The following DCBLD2 variants were observed in gnomAD, a reference collection of about 807,000 sequenced individuals.
DCBLD2 encodes the protein discoidin, CUB and LCCL domain-containing protein 2.
Under a neutral mutation model 86.8 loss-of-function variants are expected in DCBLD2, and 54 were observed. That is an observed-to-expected ratio of 0.62 (90% CI 0.50 to 0.78). DCBLD2 has a LOEUF of 0.78. Among genes scored for constraint, DCBLD2 ranks in the 30% least tolerant of loss-of-function variants. The pLI is 0.00. For synonymous variants in DCBLD2, 354 were observed against 341.3 expected (o/e 1.04, Z -0.41); for missense variants, 908 against 954.2 (o/e 0.95, Z 0.64).
At chr3:98,839,582 C>G (rs1007045249) in intron 3 of DCBLD2, among the ~76,000 whole-genome samples, 1 of 152,082 alleles carries the variant, frequency 6.6e-6, no homozygotes, top group African/African-American at 2.4e-5. Flanking sequence ...TGAAATAAAG[C>G]CTAGTAAAAG....
rs143321878 is a variant in DCBLD2, at chr3:98,859,826, C to T, written c.434-10228G>A. Among the ~76,000 whole-genome samples the T allele has an allele frequency of 5.4e-3, 830 of 152,322 alleles. 1 individual carries two copies. Among genetic ancestry groups the T allele is most frequent in the Non-Finnish European group, 8.0e-3 (546 of 68,028 alleles). ...CTAAAAATCAGAGCACCTCTCCCCCCACAAAGGAACGCAGCTCCTCGCCAG... is the reference window on the plus strand; with the variant it reads ...CTAAAAATCAGAGCACCTCTCCCCCTACAAAGGAACGCAGCTCCTCGCCAG... On this transcript the variant is annotated intron_variant, in intron 2 of 15. Coordinates refer to ENST00000326840, the MANE Select transcript of DCBLD2 (RefSeq NM_080927.4).
At chr3:98,869,981 T>TA (rs1161609822) in intron 2 of DCBLD2, among the ~76,000 whole-genome samples, 1 of 152,190 alleles carries the variant, frequency 6.6e-6, no homozygotes, top group Non-Finnish European at 1.5e-5. Context: ...AATGCAAAAA[T>TA]AATAATCATA....
intron 2 of DCBLD2, among the ~76,000 whole-genome samples, chr3:98,858,976 CAAGGG>C (rs1942988985): frequency 6.6e-6 from 1 of 152,162 alleles, no homozygotes; most frequent in African/African-American, 2.4e-5. Context: ...CTTTCCTAGC[CAAGGG>C]AAGGGGTGAC....
intron 4 of DCBLD2, 102 bp from the exon 5 acceptor site, chr3:98,822,843 AATACC>A (rs748347002): frequency 2.3e-5 from 22 of 959,062 alleles, no homozygotes; most frequent in Non-Finnish European, 2.9e-5. Context: ...GTTCAAGGTG[AATACC>A]ATAATTTCAC....
At chr3:98,803,406 C>T (rs1282265768) in intron 13 of DCBLD2, among the ~76,000 whole-genome samples, 1 of 152,178 alleles carries the variant, frequency 6.6e-6, no homozygotes, top group Non-Finnish European at 1.5e-5. Flanking sequence ...TATCCTGAGA[C>T]TTTGCTGAAG....
chr3:98,836,861 C>T (rs555897971), intron 3 of DCBLD2, among the ~76,000 whole-genome samples: 19,154 of 35,046 alleles, frequency 0.55, 5,863 homozygotes, highest in East Asian at 0.79. Flanking sequence ...GGCGGCTGGC[C>T]GGGCGGGGGG....
intron 2 of DCBLD2, among the ~76,000 whole-genome samples, chr3:98,873,170 T>C (rs1398746258): frequency 6.6e-6 from 1 of 152,050 alleles, no homozygotes; most frequent in African/African-American, 2.4e-5. Flanking sequence ...AAAATGGAGA[T>C]ATTAGAATTA....
Position 98,799,305 on chromosome 3 carries a change from C to T in DCBLD2, c.*67G>A. 2 of 1,346,960 alleles carry T rather than the reference C, an allele frequency of 1.5e-6. No homozygotes were observed. Among genetic ancestry groups the T allele is most frequent in the South Asian group, 2.9e-5 (2 of 68,634 alleles). The allele number at this position is 1,346,960 out of a possible 1,614,324, so 83.4% of individuals were successfully genotyped here. A position where few individuals can be genotyped will look rare whatever the true frequency, so the allele number is the denominator to read the frequency against. On this transcript the variant is annotated 3_prime_UTR_variant, in exon 16 of 16. Coordinates refer to ENST00000326840, the MANE Select transcript of DCBLD2 (RefSeq NM_080927.4). ...ATGTAATACATTCTATATATTACTA[C>T]CACTAATAATTAAAAAAAAAAGGCC...
At position 98,901,088 on chromosome 3, in the gene DCBLD2, T is replaced by C. The variant is rs1315028089; in HGVS notation, c.205+34A>G. On this transcript the variant is annotated intron_variant, in intron 1 of 15. Coordinates refer to ENST00000326840, the MANE Select transcript of DCBLD2 (RefSeq NM_080927.4). ...AAGAGACCCGCAGCCCCGACGGAGG[T>C]TCCCCCGCCGCTCACTCCCCTGGGA... 7 of 1,536,736 alleles carry C rather than the reference T, an allele frequency of 4.6e-6. 1 individual carries two copies. Among genetic ancestry groups the C allele is most frequent in the South Asian group, 3.6e-5 (3 of 83,952 alleles).
Position 98,864,840 on chromosome 3 carries a change from A to T in DCBLD2, c.434-15242T>A, listed in dbSNP as rs1943114255. On this transcript the variant is annotated intron_variant, in intron 2 of 15. Coordinates refer to ENST00000326840, the MANE Select transcript of DCBLD2 (RefSeq NM_080927.4). ...GCACACTGTGCACACGTATCCTAGAACTTAAATAATAATAAAAAAAGAAAA... is the reference window on the plus strand; with the variant it reads ...GCACACTGTGCACACGTATCCTAGATCTTAAATAATAATAAAAAAAGAAAA... Among the ~76,000 whole-genome samples, 3 of 152,170 alleles carry T rather than the reference A, an allele frequency of 2.0e-5. No individual in the cohort carries two copies. In the South Asian group the frequency reaches 6.2e-4, roughly 32 times the overall value.
chr3:98,797,699 C>T lies in DCBLD2; in HGVS notation c.*1673G>A, dbSNP rs1463151739. On this transcript the variant is annotated 3_prime_UTR_variant, in exon 16 of 16. Coordinates refer to ENST00000326840, the MANE Select transcript of DCBLD2 (RefSeq NM_080927.4). ...GCCAAAAAACCATACCACAAAAGGA[C>T]AGGAAGCCTGCAGAAATAAACAGTT... 1 of 152,114 alleles carries T rather than the reference C, an allele frequency of 6.6e-6. No individual in the cohort carries two copies. The highest frequency in any genetic ancestry group is 2.4e-5 in the African/African-American group (1 of 41,406). 9.4% of individuals were successfully genotyped at this position (152,114 alleles called of 1,614,324 possible).
chr3:98,851,702 C>T (rs1227213121), intron 2 of DCBLD2, among the ~76,000 whole-genome samples: 1 of 152,164 alleles, frequency 6.6e-6, no homozygotes, highest in Non-Finnish European at 1.5e-5. Flanking sequence ...TACAGTAACC[C>T]AAACAGCACG....
At chr3:98,807,230 C>T (rs1941857730) in intron 13 of DCBLD2, among the ~76,000 whole-genome samples, 1 of 152,194 alleles carries the variant, frequency 6.6e-6, no homozygotes, top group African/African-American at 2.4e-5. Flanking sequence ...TCTGTGCCTT[C>T]ACTCAAACAA....
chr3:98,872,389 C>T (rs922477962), intron 2 of DCBLD2, among the ~76,000 whole-genome samples: 9 of 152,174 alleles, frequency 5.9e-5, no homozygotes, highest in Non-Finnish European at 1.2e-4. Flanking sequence ...TCTGCACAAG[C>T]CCCTTTCCCT....
chr3:98,875,181 T>C (rs971406282), intron 2 of DCBLD2, among the ~76,000 whole-genome samples: 5 of 152,124 alleles, frequency 3.3e-5, no homozygotes, highest in Non-Finnish European at 7.4e-5. Context: ...AAGTGAATGA[T>C]AAAACTAACT....
intron 3 of DCBLD2, among the ~76,000 whole-genome samples, chr3:98,836,644 G>C (rs1257834121): frequency 1.5e-5 from 2 of 135,498 alleles, no homozygotes; most frequent in Admixed American, 1.5e-4. Flanking sequence ...CCGGGCAGAG[G>C]GGCTCCTCAC....
Position 98,900,952 on chromosome 3 carries a change from C to T in DCBLD2, c.205+170G>A, listed in dbSNP as rs1943837393. ...AAGCCGCGCCAACTTGGGGGACAGA[C>T]GGGCAAGACCTTGCCTTTGCAACTC... On this transcript the variant is annotated intron_variant, in intron 1 of 15. Coordinates refer to ENST00000326840, the MANE Select transcript of DCBLD2 (RefSeq NM_080927.4). 4.2e-6 allele frequency: 5 copies of T among 1,185,676 alleles called. No homozygotes were observed. The African/African-American group carries it at 4.7e-5, about 11-fold the overall frequency. The allele number at this position is 1,185,676 out of a possible 1,614,324, so 73.4% of individuals were successfully genotyped here. A position where few individuals can be genotyped will look rare whatever the true frequency, so the allele number is the denominator to read the frequency against.
rs1941648926 is a variant in DCBLD2, at chr3:98,798,227, C to G, written c.*1145G>C. 1.3e-5 allele frequency: 2 copies of G among 152,120 alleles called. No homozygotes were observed. The highest frequency in any genetic ancestry group is 1.3e-4 in the Admixed American group (2 of 15,272). The allele number at this position is 152,120 out of a possible 1,614,324, so 9.4% of individuals were successfully genotyped here. A position where few individuals can be genotyped will look rare whatever the true frequency, so the allele number is the denominator to read the frequency against. On this transcript the variant is annotated 3_prime_UTR_variant, in exon 16 of 16. Coordinates refer to ENST00000326840, the MANE Select transcript of DCBLD2 (RefSeq NM_080927.4). ...CACGATCACGCAGTCCTGAAAAATACACGTTAGGTTTATATTTTGTGTAAC... is the reference window on the plus strand; with the variant it reads ...CACGATCACGCAGTCCTGAAAAATAGACGTTAGGTTTATATTTTGTGTAAC...
chr3:98,860,858 A>G (rs564964934), intron 2 of DCBLD2, among the ~76,000 whole-genome samples: 2 of 152,364 alleles, frequency 1.3e-5, no homozygotes, highest in East Asian at 3.9e-4. Context: ...TGACAGGATC[A>G]AATTCACACA....
Sources: gnomAD v4.1 joint callset for allele counts (sites outside exome capture counted in the v4.1 genomes callset) on GRCh38, gnomAD v4.1.1 for gene constraint, MANE v1.5 for transcripts, NCBI Gene and HGNC (gene_info 2026-07-23, HGNC 2026-07-21) for gene names.